KDM6A: variants seen among roughly 807,000 people sequenced by gnomAD.
KDM6A encodes lysine demethylase 6A, also known as lysine-specific demethylase 6A.
A neutral mutation model predicts 117.6 loss-of-function variants in KDM6A; 11 were observed. The ratio of observed to expected loss-of-function variants is 0.09; its 90% CI spans 0.06 to 0.15. The LOEUF (loss-of-function observed/expected upper bound fraction) is 0.15. Among genes scored for constraint, KDM6A ranks in the 10% least tolerant of loss-of-function variants. The pLI is 1.00. For synonymous variants in KDM6A, 384 were observed against 396.1 expected, an observed-to-expected ratio of 0.97 and a Z score of 0.36; for missense variants, 799 against 1,077.3, an observed-to-expected ratio of 0.74 and a Z score of 3.62.
In KDM6A at chrX:45,042,568, T is replaced by C. The variant is rs769546323; in HGVS notation, c.654+4879T>C. On this transcript the variant is annotated intron_variant, in intron 8 of 29. Transcript: ENST00000611820. ...AATGGACCCTATTTATGAATATGGA[T>C]TTAGGAAATTTAAGTGAGATGTATT... Among the ~76,000 whole-genome samples, 23 of 111,545 alleles carry C rather than the reference T, an allele frequency of 2.1e-4. No individual in the cohort carries two copies. The East Asian group carries it at 6.5e-3, about 32-fold the overall frequency.
intron 2 of KDM6A, among the ~76,000 whole-genome samples, chrX:44,940,486 A>G (rs2037238918): frequency 8.9e-6 from 1 of 111,858 alleles, no homozygotes. Context: ...AGTTTTCCAA[A>G]ATTCTGATTT....
intron 4 of KDM6A, among the ~76,000 whole-genome samples, chrX:44,996,934 C>T (rs1015536459): frequency 1.8e-5 from 2 of 111,368 alleles, no homozygotes; most frequent in African/African-American, 6.5e-5. Context: ...GGAGAGATTC[C>T]CTTGCCCCCC....
At chrX:45,085,001 A>G (rs930084530) in intron 24 of KDM6A, among the ~76,000 whole-genome samples, 8 of 111,751 alleles carry the variant, frequency 7.2e-5, no homozygotes, top group Non-Finnish European at 1.5e-4. Context: ...ATATACAGCC[A>G]GGATTAGAAC....
intron 4 of KDM6A, among the ~76,000 whole-genome samples, chrX:44,989,490 C>G (rs1019756755): frequency 7.3e-5 from 8 of 110,045 alleles, no homozygotes; most frequent in Non-Finnish European, 1.5e-4. Context: ...TCTTCTGTGT[C>G]GCTCACACTG....
intron 2 of KDM6A, among the ~76,000 whole-genome samples, chrX:44,923,623 C>T (rs2036120075): frequency 1.0e-5 from 1 of 96,592 alleles, no homozygotes; most frequent in African/African-American, 3.8e-5. Flanking sequence ...TGGCTTACTG[C>T]AGCCTACACT....
intron 2 of KDM6A, among the ~76,000 whole-genome samples, chrX:44,953,252 G>A: frequency 9.0e-6 from 1 of 111,095 alleles, no homozygotes; most frequent in Non-Finnish European, 1.9e-5. Context: ...GTCCAGGAGA[G>A]TTACTGAAGT....
At chrX:44,899,228 T>C (rs1402933237) in intron 2 of KDM6A, among the ~76,000 whole-genome samples, 1 of 68,332 alleles carries the variant, frequency 1.5e-5, no homozygotes, top group South Asian at 7.2e-4. Context: ...TGTATGCGTG[T>C]GTGTGTGTGT....
intron 2 of KDM6A, among the ~76,000 whole-genome samples, chrX:44,906,108 C>T (rs762148126): frequency 9.0e-6 from 1 of 111,403 alleles, no homozygotes; most frequent in Non-Finnish European, 1.9e-5. Context: ...AACATTTGGG[C>T]CTCCATATAA....
At chrX:44,903,469 G>A (rs893370344) in intron 2 of KDM6A, among the ~76,000 whole-genome samples, 1 of 111,577 alleles carries the variant, frequency 9.0e-6, no homozygotes, top group African/African-American at 3.3e-5. Flanking sequence ...CTTTTTGGAC[G>A]TGAGATTAAT....
intron 7 of KDM6A, among the ~76,000 whole-genome samples, chrX:45,035,939 T>C (rs993805963): frequency 9.0e-6 from 1 of 110,750 alleles, no homozygotes; most frequent in South Asian, 3.8e-4. Context: ...GACCTCGTGA[T>C]CCTCCCACCT....
chrX:45,004,080 G>A (rs2147519418), intron 4 of KDM6A, among the ~76,000 whole-genome samples: 1 of 110,902 alleles, frequency 9.0e-6, no homozygotes, highest in South Asian at 3.8e-4. Flanking sequence ...GTCATGAGCG[G>A]AAGGGCTTCT....
At chrX:45,100,203 C>T (rs1603029195) in intron 27 of KDM6A, among the ~76,000 whole-genome samples, 1 of 111,124 alleles carries the variant, frequency 9.0e-6, no homozygotes, top group Non-Finnish European at 1.9e-5. Context: ...TTTTTTTTAA[C>T]AGGACATTTG....
At chrX:44,950,999 T>C (rs2037967908) in intron 2 of KDM6A, among the ~76,000 whole-genome samples, 1 of 110,697 alleles carries the variant, frequency 9.0e-6, no homozygotes, top group African/African-American at 3.3e-5. Context: ...CTCTCCACTT[T>C]CTTTTACGTG....
chrX:44,967,569 G>C (rs1464337777), intron 3 of KDM6A, among the ~76,000 whole-genome samples: 2 of 111,006 alleles, frequency 1.8e-5, no homozygotes, highest in Non-Finnish European at 3.8e-5. Flanking sequence ...AAAGTTTTCT[G>C]AGCTTGGCAT....
At chrX:45,066,880 G>T (rs1351214364) in intron 17 of KDM6A, among the ~76,000 whole-genome samples, 1 of 111,963 alleles carries the variant, frequency 8.9e-6, no homozygotes, top group African/African-American at 3.2e-5. Flanking sequence ...TGCTTCACAC[G>T]CCCTTCAAAG....
chrX:45,030,534 G>T (rs1267982134), intron 6 of KDM6A, among the ~76,000 whole-genome samples: 5 of 106,721 alleles, frequency 4.7e-5, no homozygotes. Flanking sequence ...CAGGAACGTG[G>T]CTCACAAGCC....
Position 44,966,623 on chromosome X carries a change from T to C in KDM6A, c.334+5231T>C, listed in dbSNP as rs1030900132. ...CTAAGGATTTAAGTCCTTGAAAACA[T>C]GTGCTTCATTTAGTGTTGTGTAGAT... On this transcript the variant is annotated intron_variant, in intron 3 of 29. Coordinates refer to ENST00000611820, the MANE Select transcript of KDM6A (RefSeq NM_001291415.2). Among the ~76,000 whole-genome samples, 19 of 110,797 alleles carry C rather than the reference T, an allele frequency of 1.7e-4. 1 individual carries two copies. Among genetic ancestry groups the C allele is most frequent in the Admixed American group, 1.6e-3 (17 of 10,369 alleles).
At chrX:44,913,232 ATTTTC>A (rs958827516) in intron 2 of KDM6A, among the ~76,000 whole-genome samples, 3 of 108,337 alleles carry the variant, frequency 2.8e-5, no homozygotes, top group African/African-American at 1.0e-4. Flanking sequence ...TCTTAATAAT[ATTTTC>A]TTTTCTCTAG....
intron 24 of KDM6A, among the ~76,000 whole-genome samples, chrX:45,083,930 T>A (rs1183647296): frequency 1.8e-5 from 2 of 112,043 alleles, no homozygotes; most frequent in Non-Finnish European, 3.8e-5. Flanking sequence ...GTTTTTGAAT[T>A]TTTCTTTTAA....
Sources: allele counts gnomAD v4.1 joint callset (sites outside exome capture counted in the v4.1 genomes callset), GRCh38; gene constraint gnomAD v4.1.1; transcripts MANE v1.5; gene names NCBI Gene and HGNC (gene_info 2026-07-23, HGNC 2026-07-21).